The following PSMG2 variants were observed in gnomAD, a reference collection of about 807,000 sequenced individuals.
PSMG2 encodes proteasome assembly chaperone 2.
In PSMG2, 21 loss-of-function variants were observed where a neutral mutation model predicts 31.5. That is an observed-to-expected ratio of 0.67 (90% CI 0.47 to 0.96). The LOEUF (loss-of-function observed/expected upper bound fraction) is 0.96. Ranked by LOEUF, PSMG2 falls within the 40% of genes least tolerant of loss-of-function variation. PSMG2 has a pLI of 0.00. For missense variants in PSMG2, 318 were observed against 321.2 expected, an observed-to-expected ratio of 0.99 and a Z score of 0.08; for synonymous variants, 120 against 110.4, an observed-to-expected ratio of 1.09 and a Z score of -0.54.
At chr18:12,715,567 G>A (rs974335833) in intron 3 of PSMG2, among the ~76,000 whole-genome samples, 3 of 151,982 alleles carry the variant, frequency 2.0e-5, no homozygotes, top group Non-Finnish European at 2.9e-5. Flanking sequence ...GTGCAGTGGC[G>A]TGATCTCAGG....
chr18:12,724,382 G>A, intron 5 of PSMG2, 117 bp from the exon 6 acceptor site: 1 of 1,018,334 alleles, frequency 9.8e-7, no homozygotes, highest in Non-Finnish European at 1.4e-6. Flanking sequence ...ATCTTATGGT[G>A]TGGCGTCTTT....
intron 1 of PSMG2, among the ~76,000 whole-genome samples, chr18:12,664,721 C>T (rs1444200280): frequency 6.5e-4 from 93 of 143,324 alleles, no homozygotes; most frequent in Non-Finnish European, 1.1e-3. Flanking sequence ...TTTTTTAAGA[C>T]GGGGTCTTGC....
At chr18:12,670,571 C>T (rs1459389733) in intron 1 of PSMG2, 3 of 152,084 alleles carry the variant, frequency 2.0e-5, no homozygotes, top group Admixed American at 2.0e-4. Context: ...TAGTACATAC[C>T]TCATAGTTTG....
At chr18:12,686,778 G>T in intron 1 of PSMG2, 1 of 178,556 alleles carries the variant, frequency 5.6e-6, no homozygotes, top group Non-Finnish European at 1.2e-5. Flanking sequence ...AGGGAGAGGT[G>T]CTCTAAGCTG....
At chr18:12,700,991 A>C (rs2040131578), upstream of PSMG2, 6 of 1,613,190 alleles carry the variant, frequency 3.7e-6, no homozygotes, top group Non-Finnish European at 5.1e-6. Context: ...TCACATCGTC[A>C]ATGATTCCTC....
chr18:12,704,827 G>A (rs1281709663), intron 1 of PSMG2, among the ~76,000 whole-genome samples: 3 of 152,148 alleles, frequency 2.0e-5, no homozygotes, highest in Admixed American at 6.6e-5. Flanking sequence ...TAGCAAAATC[G>A]TTGAGAAGGG....
chr18:12,688,188 G>A (rs2039614972), intron 1 of PSMG2, among the ~76,000 whole-genome samples: 1 of 140,464 alleles, frequency 7.1e-6, no homozygotes. Context: ...CCGAGATCGT[G>A]CCACTGCACT....
chr18:12,667,263 C>A (rs2038821707), intron 1 of PSMG2, among the ~76,000 whole-genome samples: 2 of 152,034 alleles, frequency 1.3e-5, no homozygotes, highest in Non-Finnish European at 2.9e-5. Context: ...GAGTTTAAGA[C>A]CTGTATTTGA....
At chr18:12,692,662 ATTATT>A (rs757392612) in intron 1 of PSMG2, among the ~76,000 whole-genome samples, 1 of 152,088 alleles carries the variant, frequency 6.6e-6, no homozygotes, top group Non-Finnish European at 1.5e-5. Flanking sequence ...CTACTATCTG[ATTATT>A]TTGTTTGCTG....
chr18:12,695,241 CAT>C (rs2039910344), intron 1 of PSMG2: 1 of 1,214,480 alleles, frequency 8.2e-7, no homozygotes, highest in Admixed American at 2.2e-5. Context: ...AAGAGAAACT[CAT>C]AAGTATTTAC....
chr18:12,715,988 G>A (rs1413569324), intron 3 of PSMG2, among the ~76,000 whole-genome samples: 2 of 152,188 alleles, frequency 1.3e-5, no homozygotes, highest in Non-Finnish European at 2.9e-5. Context: ...TCTATTGGTG[G>A]AATTCTGTGG....
chr18:12,702,107 C>T (rs1011012509), upstream of PSMG2, among the ~76,000 whole-genome samples: 1 of 152,194 alleles, frequency 6.6e-6, no homozygotes, highest in Non-Finnish European at 1.5e-5. Context: ...GCCTGGGCAA[C>T]AGAGAGACTC....
At position 12,666,503 on chromosome 18, in the gene PSMG2, A is replaced by G. The variant is rs116882881; in HGVS notation, c.-37+7730A>G. Among the ~76,000 whole-genome samples, 180 of 148,034 alleles carry G rather than the reference A, an allele frequency of 1.2e-3. 1 individual carries two copies. The highest frequency in any genetic ancestry group is 2.1e-3 in the Non-Finnish European group (140 of 67,484). On this transcript the variant is annotated intron_variant, in intron 1 of 6. Transcript: ENST00000585331. ...TGCCCAGGCTGGAGTGCATTGTGCA[A>G]TCATGGCTCACTGAAGCCTCCTAAC...
At chr18:12,691,154 CTGAAAT>C (rs1373683238) in intron 1 of PSMG2, 13 of 401,662 alleles carry the variant, frequency 3.2e-5, no homozygotes, top group East Asian at 7.7e-5. Flanking sequence ...CCCACAATAA[CTGAAAT>C]TGAAAGTAAA....
At chr18:12,702,192 G>A (rs975681614), upstream of PSMG2, among the ~76,000 whole-genome samples, 2 of 152,156 alleles carry the variant, frequency 1.3e-5, no homozygotes, top group Admixed American at 1.3e-4. Context: ...CACTCGATCC[G>A]ACTTCCAGAA....
chr18:12,704,867 G>A (rs1453853801), intron 1 of PSMG2, among the ~76,000 whole-genome samples: 1 of 152,120 alleles, frequency 6.6e-6, no homozygotes, highest in Admixed American at 6.6e-5. Context: ...GCAATTGGTA[G>A]GTGACAACAG....
Position 12,706,697 on chromosome 18 carries a change from A to G in PSMG2, c.205A>G (p.Thr69Ala). ...ATATGCGACCACAGAAGGAAATTCA[A>G]CAGAACTTAGCATAAATGCTGAAGG... ...NPYATTEGNS[T>A]ELSINAEVYS... Residue 69 changes from threonine to alanine, a missense_variant, in exon 2 of 7, where the codon ACA becomes GCA. Transcript: ENST00000317615. 4 of 1,609,770 alleles carry G rather than the reference A, an allele frequency of 2.5e-6. No individual in the cohort carries two copies. The highest frequency in any genetic ancestry group is 3.4e-6 in the Non-Finnish European group (4 of 1,176,848).
At chr18:12,697,440 C>T (rs969229297) in intron 1 of PSMG2, 2 of 1,441,144 alleles carry the variant, frequency 1.4e-6, no homozygotes, top group Admixed American at 3.7e-5. Flanking sequence ...AATTATACCA[C>T]ACTACATATT....
At chr18:12,679,062 A>C (rs1167611392) in intron 1 of PSMG2, 3 of 152,360 alleles carry the variant, frequency 2.0e-5, no homozygotes, top group African/African-American at 7.2e-5. Flanking sequence ...ACCAGGGAGA[A>C]AGAGGACTCG....
Sources: gnomAD v4.1 joint callset for allele counts (sites outside exome capture counted in the v4.1 genomes callset) on GRCh38, gnomAD v4.1.1 for gene constraint, MANE v1.5 for transcripts, NCBI Gene and HGNC (gene_info 2026-07-23, HGNC 2026-07-21) for gene names.